Variants in UBE3A observed in about 807,000 individuals in gnomAD.
The protein encoded by UBE3A is ubiquitin protein ligase E3A, also known as ubiquitin-protein ligase E3A.
Under a neutral mutation model 83.4 loss-of-function variants are expected in UBE3A, and 6 were observed. That is an observed-to-expected ratio of 0.07 (90% confidence interval 0.04 to 0.14). The LOEUF is 0.14. Ranked by LOEUF, UBE3A falls within the 10% of genes least tolerant of loss-of-function variation. The probability of loss-of-function intolerance (pLI) is 1.00; values close to 1 mark genes in which losing one functional copy is unlikely to be tolerated. For missense variants in UBE3A, 456 were observed against 1,036.1 expected (o/e 0.44, Z 7.69); for synonymous variants, 337 against 355.4 (o/e 0.95, Z 0.58).
intron 6 of UBE3A, among the ~76,000 whole-genome samples, chr15:25,366,587 A>G (rs921309132): frequency 6.6e-6 from 1 of 152,084 alleles, no homozygotes; most frequent in African/African-American, 2.4e-5. Context: ...TGGTTTTTAG[A>G]TATTTATGTG....
intron 4 of UBE3A, among the ~76,000 whole-genome samples, chr15:25,402,790 C>G (rs1327545159): frequency 6.6e-6 from 1 of 152,176 alleles, no homozygotes; most frequent in Non-Finnish European, 1.5e-5. Context: ...TGTGTCTTTT[C>G]TTATCTGTGT....
At chr15:25,345,860 T>C (rs1038372458) in intron 11 of UBE3A, 2 of 150,098 alleles carry the variant, frequency 1.3e-5, no homozygotes, top group South Asian at 4.2e-4. Context: ...AGGAAAAAAA[T>C]CCCATCAAAT....
chr15:25,362,273 T>C (rs1017078643), intron 6 of UBE3A, among the ~76,000 whole-genome samples: 1 of 152,206 alleles, frequency 6.6e-6, no homozygotes. Context: ...CTTTAAATAA[T>C]GTCTGTTGTT....
intron 6 of UBE3A, 146 bp from the exon 7 acceptor site, chr15:25,360,673 A>T: frequency 1.2e-6 from 1 of 839,196 alleles, no homozygotes; most frequent in Middle Eastern, 2.5e-4. Flanking sequence ...AACTGATAAA[A>T]AGCCAGTGAA....
At chr15:25,404,634 T>TCTTG (rs1274226000) in intron 4 of UBE3A, among the ~76,000 whole-genome samples, 1 of 152,078 alleles carries the variant, frequency 6.6e-6, no homozygotes, top group African/African-American at 2.4e-5. Context: ...ACGTTTCTCT[T>TCTTG]CAATCCTTTC....
At chr15:25,426,046 A>T (rs1461451595) in intron 1 of UBE3A, among the ~76,000 whole-genome samples, 1 of 151,952 alleles carries the variant, frequency 6.6e-6, no homozygotes. Flanking sequence ...TTTTTAAATA[A>T]GGTATGTTTA....
intron 4 of UBE3A, among the ~76,000 whole-genome samples, chr15:25,376,659 CAAAA>C (rs1182636829): frequency 1.3e-5 from 2 of 151,910 alleles, no homozygotes; most frequent in African/African-American, 2.4e-5. Context: ...AACAAACAAA[CAAAA>C]ACCAAAAAGA....
intron 11 of UBE3A, among the ~76,000 whole-genome samples, chr15:25,349,356 C>T (rs1043752259): frequency 1.3e-5 from 2 of 151,652 alleles, no homozygotes; most frequent in African/African-American, 4.8e-5. Context: ...TTGGGCTAGG[C>T]AAAGATATAA....
rs1331615657 is a variant in UBE3A at position 25,337,088 on chromosome 15, C to T, written c.*2049G>A. 6.6e-6 allele frequency: 1 copy of T among 152,112 alleles called. No individual in the cohort carries two copies. Among genetic ancestry groups the T allele is most frequent in the African/African-American group, 2.4e-5 (1 of 41,432 alleles). The allele number at this position is 152,112 out of a possible 1,614,324, so 9.4% of individuals were successfully genotyped here. A position where few individuals can be genotyped will look rare whatever the true frequency, so the allele number is the denominator to read the frequency against. On this transcript the variant is annotated 3_prime_UTR_variant, in exon 13 of 13. Coordinates refer to ENST00000648336, the MANE Select transcript of UBE3A (RefSeq NM_130839.5). ...TTCTCTAAAATTTTAAGGGTAGGTT[C>T]ATTCTGACTCTGTTAAAAGTCTACT...
chr15:25,416,497 T>C (rs553047057), intron 1 of UBE3A, among the ~76,000 whole-genome samples: 1 of 152,122 alleles, frequency 6.6e-6, no homozygotes, highest in South Asian at 2.1e-4. Context: ...TGGTTACACA[T>C]GGAAGAAAAG....
intron 11 of UBE3A, among the ~76,000 whole-genome samples, chr15:25,345,372 A>G (rs1367320425): frequency 6.6e-6 from 1 of 152,194 alleles, no homozygotes; most frequent in Non-Finnish European, 1.5e-5. Flanking sequence ...CGAATGGACC[A>G]GGTCAGTAAT....
chr15:25,428,931 T>A (rs571113875), intron 1 of UBE3A, among the ~76,000 whole-genome samples: 9 of 152,270 alleles, frequency 5.9e-5, no homozygotes, highest in African/African-American at 1.7e-4. Flanking sequence ...CAGCATTATT[T>A]ATAATAGCAA....
intron 6 of UBE3A, among the ~76,000 whole-genome samples, chr15:25,366,277 T>C (rs1329625833): frequency 1.3e-5 from 2 of 152,236 alleles, no homozygotes; most frequent in Admixed American, 1.3e-4. Flanking sequence ...TAAACATACC[T>C]AGTGCAGCAC....
At chr15:25,407,261 C>T in intron 3 of UBE3A, 1 of 1,089,108 alleles carries the variant, frequency 9.2e-7, no homozygotes, top group South Asian at 2.2e-5. Flanking sequence ...AACCTGCTGG[C>T]ACTGAGGGAA....
intron 4 of UBE3A, among the ~76,000 whole-genome samples, chr15:25,387,843 T>G (rs1332928438): frequency 6.6e-6 from 1 of 152,168 alleles, no homozygotes; most frequent in Non-Finnish European, 1.5e-5. Flanking sequence ...TATGAACAAC[T>G]TTACGGCCAC....
chr15:25,354,292 A>G, intron 11 of UBE3A, 61 bp downstream of exon 11: 1 of 1,519,160 alleles, frequency 6.6e-7, no homozygotes, highest in Non-Finnish European at 9.1e-7. Context: ...TAAAGGTCTG[A>G]AGCAAAATCA....
In UBE3A at chr15:25,338,532, A is replaced by T. The variant is rs1280550756; in HGVS notation, c.*605T>A. On this transcript the variant is annotated 3_prime_UTR_variant, in exon 13 of 13. Transcript: ENST00000648336. Reference sequence around the variant, plus strand: ...TCCTTCCATCTTTCTTTATTGATTGATTCTCAAGATTTTGCACAGAAAACT... The same window carrying T: ...TCCTTCCATCTTTCTTTATTGATTGTTTCTCAAGATTTTGCACAGAAAACT... The T allele has an allele frequency of 6.6e-6, 1 of 152,020 alleles. No individual in the cohort carries two copies. The highest frequency in any genetic ancestry group is 1.5e-5 in the Non-Finnish European group (1 of 67,960). The allele number at this position is 152,020 out of a possible 1,614,324, so 9.4% of individuals were successfully genotyped here.
chr15:25,359,478 CAGAA>C (rs949603083), intron 7 of UBE3A, among the ~76,000 whole-genome samples: 3 of 145,916 alleles, frequency 2.1e-5, no homozygotes, highest in African/African-American at 5.0e-5. Context: ...AGAACAGTAA[CAGAA>C]AGGTCAACTC....
At chr15:25,344,213 T>A (rs2075315055) in intron 11 of UBE3A, among the ~76,000 whole-genome samples, 1 of 152,186 alleles carries the variant, frequency 6.6e-6, no homozygotes, top group Non-Finnish European at 1.5e-5. Context: ...ATAACCTCGA[T>A]GCCCATAAAT....
Sources: gnomAD v4.1 joint callset for allele counts (sites outside exome capture counted in the v4.1 genomes callset) on GRCh38, gnomAD v4.1.1 for gene constraint, MANE v1.5 for transcripts, NCBI Gene and HGNC (gene_info 2026-07-23, HGNC 2026-07-21) for gene names.